Variants in FGFR2 observed in about 807,000 individuals in gnomAD.
The protein encoded by FGFR2 is fibroblast growth factor receptor 2.
In FGFR2, 19 loss-of-function variants were observed where a neutral mutation model predicts 95.9. The observed-to-expected ratio is 0.20, with a 90% CI of 0.14 to 0.29. FGFR2 has a LOEUF of 0.29. FGFR2 is among the 10% of genes least tolerant of loss of function. The pLI is 1.00. For missense variants in FGFR2, 707 were observed against 1,056.9 expected, an observed-to-expected ratio of 0.67 and a Z score of 4.59; for synonymous variants, 392 against 393.3, an observed-to-expected ratio of 1.00 and a Z score of 0.04.
intron 2 of FGFR2, among the ~76,000 whole-genome samples, chr10:121,578,822 A>G (rs898864868): frequency 6.6e-6 from 1 of 152,240 alleles, no homozygotes; most frequent in Non-Finnish European, 1.5e-5. Flanking sequence ...AGGCAAGAGA[A>G]TCACTTGAAC....
At chr10:121,480,383 G>GGC in intron 17 of FGFR2, 32 of 369,638 alleles carry the variant, frequency 8.7e-5, no homozygotes, top group South Asian at 3.2e-4. Flanking sequence ...GGCTTCACAC[G>GGC]GACCTAAATA....
At chr10:121,510,698 T>G (rs968424715) in intron 9 of FGFR2, among the ~76,000 whole-genome samples, 3 of 152,164 alleles carry the variant, frequency 2.0e-5, no homozygotes, top group African/African-American at 7.2e-5. Flanking sequence ...CCCTTCATCT[T>G]GGTCCTATTC....
intron 4 of FGFR2, chr10:121,564,291 A>C: frequency 1.7e-6 from 1 of 596,256 alleles, no homozygotes. Context: ...ATGACCAGTG[A>C]CACGAGAAGA....
chr10:121,483,718 G>T lies in FGFR2; in HGVS notation c.2281C>A (p.Leu761Ile). Reference protein sequence around the residue: ...KQLVEDLDRILTLTTNEEYLD... With the variant: ...KQLVEDLDRIITLTTNEEYLD... ...CTTACCTCATTGGTTGTGAGAGTGA[G>T]AATTCGATCCAAGTCTTCTACCAAC... is the stretch of plus-strand genomic sequence containing the variant. The change falls in exon 17 of 18, where the codon CTC becomes ATC. Residue 761 changes from leucine to isoleucine, a missense_variant. Transcript: ENST00000358487. 6.2e-7 allele frequency: 1 copy of T among 1,613,916 alleles called. No homozygotes were observed. The highest frequency in any genetic ancestry group is 8.5e-7 in the Non-Finnish European group (1 of 1,179,912).
At position 121,531,288 on chromosome 10, in the gene FGFR2, TGGGGTCAGTTCTGCG is replaced by T. The variant is rs1852041761; in HGVS notation, c.748+7289_748+7303del. 6.6e-6 allele frequency: 1 copy of T among 152,166 alleles called. No homozygotes were observed. Among genetic ancestry groups the T allele is most frequent in the African/African-American group, 2.4e-5 (1 of 41,442 alleles). The allele number at this position is 152,166 out of a possible 1,614,324, so 9.4% of individuals were successfully genotyped here. A position where few individuals can be genotyped will look rare whatever the true frequency, so the allele number is the denominator to read the frequency against. On this transcript the variant is annotated intron_variant, in intron 6 of 17. Coordinates refer to ENST00000358487, the MANE Select transcript of FGFR2 (RefSeq NM_000141.5). This position sits in a 1 kb window ranked among gnomAD's most constrained non-coding sequence, Gnocchi z 4.5. The stretch of plus-strand genomic sequence containing the variant: ...CCACCTGCTCCCAAAGGCTTCTTGC[TGGGGTCAGTTCTGCG>T]GGAGAGTCTGTATTTGCCAGTCAGT...
At chr10:121,493,773 A>C (rs908124790) in intron 13 of FGFR2, among the ~76,000 whole-genome samples, 1 of 151,860 alleles carries the variant, frequency 6.6e-6, no homozygotes, top group Non-Finnish European at 1.5e-5. Flanking sequence ...CAGCTTCTTC[A>C]TTATCTCCCC....
chr10:121,566,986 A>AGAAG (rs1259505284), intron 2 of FGFR2, among the ~76,000 whole-genome samples: 6 of 152,186 alleles, frequency 3.9e-5, no homozygotes, highest in Admixed American at 3.3e-4. Flanking sequence ...CGAGGGCCCA[A>AGAAG]GAAGGAGGCT....
intron 9 of FGFR2, among the ~76,000 whole-genome samples, chr10:121,509,482 C>CTTTTTTTTTT (rs67778522): frequency 0.012 from 563 of 45,350 alleles, 1 homozygote; most frequent in Middle Eastern, 0.059. Context: ...TGTTTCTTTT[C>CTTTTTTTTTT]TTTTTTTTTT....
intron 2 of FGFR2, among the ~76,000 whole-genome samples, chr10:121,570,373 C>G (rs1041316411): frequency 6.6e-6 from 1 of 152,232 alleles, no homozygotes; most frequent in Non-Finnish European, 1.5e-5. Context: ...ATCAGAGAAT[C>G]CCCTGTGCCT....
intron 9 of FGFR2, among the ~76,000 whole-genome samples, chr10:121,510,764 C>T (rs1848951403): frequency 6.9e-6 from 1 of 144,368 alleles, no homozygotes; most frequent in Non-Finnish European, 1.5e-5. Context: ...AAAAGGTAGC[C>T]TTCACTGCCC....
intron 6 of FGFR2, among the ~76,000 whole-genome samples, chr10:121,530,710 T>C (rs1476520792): frequency 6.6e-6 from 1 of 152,364 alleles, no homozygotes; most frequent in East Asian, 1.9e-4. Context: ...GAAACTCTAA[T>C]TTCTTGCTTC....
At chr10:121,591,805 A>T (rs757342403) in intron 2 of FGFR2, among the ~76,000 whole-genome samples, 1 of 152,196 alleles carries the variant, frequency 6.6e-6, no homozygotes, top group African/African-American at 2.4e-5. Flanking sequence ...TTCCTGATCC[A>T]TAAGTGCATC....
At chr10:121,527,587 CCACA>C (rs1851545600) in intron 6 of FGFR2, 2 of 33,360 alleles carry the variant, frequency 6.0e-5, no homozygotes, top group Non-Finnish European at 4.2e-4. Flanking sequence ...GTATATTTTA[CCACA>C]ATTTTTTTTT....
intron 4 of FGFR2, among the ~76,000 whole-genome samples, chr10:121,558,402 C>A (rs1856483449): frequency 6.6e-6 from 1 of 152,214 alleles, no homozygotes; most frequent in African/African-American, 2.4e-5. Flanking sequence ...GGCAACCAGG[C>A]TTGTAATGAC....
At position 121,524,146 on chromosome 10, in the gene FGFR2, A is replaced by ACACACACACCC. The variant is rs142755962; in HGVS notation, c.749-3978_749-3977insGGGTGTGTGTG. Reference sequence around the variant, plus strand: ...CACACACACACACACACACACACACACCCCAAGTTTGCAATGGTTTAATGT... The same window carrying ACACACACACCC: ...CACACACACACACACACACACACACACACACACACCCCCCCAAGTTTGCAATGGTTTAATGT... On this transcript the variant is annotated intron_variant, in intron 6 of 17. Transcript: ENST00000358487. Among the ~76,000 whole-genome samples the ACACACACACCC allele has an allele frequency of 1.1e-4, 15 of 136,974 alleles. 1 individual carries two copies. Among genetic ancestry groups the ACACACACACCC allele is most frequent in the South Asian group, 2.4e-4 (1 of 4,236 alleles). 89.9% of individuals were successfully genotyped at this position (136,974 alleles called of 152,430 possible). A position where few individuals can be genotyped will look rare whatever the true frequency, so the allele number is the denominator to read the frequency against.
intron 2 of FGFR2, among the ~76,000 whole-genome samples, chr10:121,571,348 G>A (rs1286059574): frequency 2.2e-5 from 3 of 133,846 alleles, no homozygotes; most frequent in Non-Finnish European, 3.1e-5. Flanking sequence ...TCCCAGGCTG[G>A]AGTGCAGTGG....
Position 121,551,325 on chromosome 10 carries a change from C to T in FGFR2, c.589G>A (p.Glu197Lys), listed in dbSNP as rs1292300276. Residue 197 changes from glutamate (E) to lysine (K), a missense_variant, in exon 5 of 18, where the codon GAG (glutamate) becomes AAG (lysine). Physicochemically the swap from Glu to Lys is moderately conservative, Grantham distance 56. Around this residue, in one of 7 missense-constraint regions of FGFR2, gnomAD observed 139 missense variants for 278.1 expected, o/e 0.50. Transcript: ENST00000358487. The stretch of plus-strand genomic sequence containing the variant: ...CCAATGCGATGCTCCTGCTTAAACT[C>T]CTTCCCGTTTTTCAGCCACCGCATG... ...PTMRWLKNGK[E>K]FKQEHRIGGY... The T allele has an allele frequency of 1.2e-6, 2 of 1,614,232 alleles. No individual in the cohort carries two copies. Among genetic ancestry groups the T allele is most frequent in the Non-Finnish European group, 1.7e-6 (2 of 1,180,048 alleles).
chr10:121,586,041 C>T (rs1327797064), intron 2 of FGFR2, among the ~76,000 whole-genome samples: 1 of 152,186 alleles, frequency 6.6e-6, no homozygotes, highest in South Asian at 2.1e-4. Flanking sequence ...CCCCCCTGAG[C>T]ACATACACAC....
At chr10:121,512,815 T>C (rs1262703498) in intron 9 of FGFR2, among the ~76,000 whole-genome samples, 2 of 152,346 alleles carry the variant, frequency 1.3e-5, no homozygotes, top group Non-Finnish European at 2.9e-5. Flanking sequence ...GGAACTCTGA[T>C]GTTCCCTCTG....
Sources: allele counts gnomAD v4.1 joint callset (sites outside exome capture counted in the v4.1 genomes callset), GRCh38; gene constraint gnomAD v4.1.1; regional missense constraint gnomAD v4.1.1; non-coding constraint Gnocchi (gnomAD v3.1); transcripts MANE v1.5; gene names NCBI Gene and HGNC (gene_info 2026-07-23, HGNC 2026-07-21).